The following ARAP2 variants were observed in gnomAD, a reference collection of about 807,000 sequenced individuals.
ARAP2 encodes the protein ArfGAP with RhoGAP domain, ankyrin repeat and PH domain 2, also known as arf-GAP with Rho-GAP domain, ANK repeat and PH domain-containing protein 2.
A neutral mutation model predicts 194.5 loss-of-function variants in ARAP2; 148 were observed. The ratio of observed to expected loss-of-function variants is 0.76; its 90% CI spans 0.67 to 0.87. The LOEUF is 0.87. Ranked by LOEUF, ARAP2 falls within the 40% of genes least tolerant of loss-of-function variation. ARAP2 has a pLI of 0.00. For missense variants in ARAP2, 2,128 were observed against 1,989.7 expected, an observed-to-expected ratio of 1.07 and a Z score of -1.32; for synonymous variants, 695 against 683.5, an observed-to-expected ratio of 1.02 and a Z score of -0.26.
intron 5 of ARAP2, among the ~76,000 whole-genome samples, chr4:36,026,684 A>G (rs1212825547): frequency 6.6e-6 from 1 of 152,212 alleles, no homozygotes; most frequent in African/African-American, 2.4e-5. Flanking sequence ...CTGGCAATCA[A>G]GAACATGTTT....
intron 2 of ARAP2, among the ~76,000 whole-genome samples, chr4:36,226,515 C>T (rs1174162188): frequency 6.6e-6 from 1 of 151,896 alleles, no homozygotes; most frequent in Non-Finnish European, 1.5e-5. Flanking sequence ...TTAAGCCCCC[C>T]CCCACATAAT....
intron 29 of ARAP2, 98 bp downstream of exon 29, chr4:36,083,270 T>C (rs920541234): frequency 6.8e-6 from 6 of 883,664 alleles, no homozygotes; most frequent in Middle Eastern, 4.4e-4. Context: ...AAACTTACTT[T>C]ATAAAAAGTT....
intron 27 of ARAP2, among the ~76,000 whole-genome samples, chr4:36,093,520 A>T (rs900225473): frequency 6.6e-6 from 1 of 152,142 alleles, no homozygotes; most frequent in Non-Finnish European, 1.5e-5. Flanking sequence ...CACTAAAAAA[A>T]TTGTGATTAT....
At chr4:36,068,614 C>T (rs1009954270) in intron 32 of ARAP2, among the ~76,000 whole-genome samples, 1 of 152,152 alleles carries the variant, frequency 6.6e-6, no homozygotes, top group Non-Finnish European at 1.5e-5. Flanking sequence ...GACACTCTCT[C>T]GTGATGATGG....
At chr4:36,037,677 C>A (rs1344759289) in intron 5 of ARAP2, among the ~76,000 whole-genome samples, 1 of 152,026 alleles carries the variant, frequency 6.6e-6, no homozygotes, top group African/African-American at 2.4e-5. Flanking sequence ...GAGGGAGGGG[C>A]TGGTATCATT....
chr4:36,152,479 G>A (rs981855237), intron 15 of ARAP2, among the ~76,000 whole-genome samples: 1 of 152,088 alleles, frequency 6.6e-6, no homozygotes, highest in African/African-American at 2.4e-5. Flanking sequence ...ATCTTTGTAA[G>A]AGAATAAATA....
At chr4:36,130,999 C>A (rs1725300523) in intron 20 of ARAP2, among the ~76,000 whole-genome samples, 1 of 151,744 alleles carries the variant, frequency 6.6e-6, no homozygotes, top group Admixed American at 6.6e-5. Flanking sequence ...AATTAAAGCC[C>A]TAAGAGTCAT....
intron 31 of ARAP2, among the ~76,000 whole-genome samples, chr4:36,078,464 C>CGTGTTTGT (rs1728745324): frequency 6.6e-6 from 1 of 152,230 alleles, no homozygotes; most frequent in East Asian, 1.9e-4. Flanking sequence ...AATTCGCATA[C>CGTGTTTGT]GTGTTTGTGT....
At chr4:36,170,693 G>A (rs1305677774) in intron 9 of ARAP2, among the ~76,000 whole-genome samples, 1 of 152,166 alleles carries the variant, frequency 6.6e-6, no homozygotes, top group Non-Finnish European at 1.5e-5. Flanking sequence ...TGCATGCTAT[G>A]AAGTTTACAA....
chr4:36,193,708 T>TTAA, intron 6 of ARAP2, 61 bp from the exon 7 acceptor site: 1 of 1,225,388 alleles, frequency 8.2e-7, no homozygotes, highest in Non-Finnish European at 1.2e-6. Flanking sequence ...ATTGTTAAAT[T>TTAA]CATTTGTAAT....
chr4:36,129,179 A>C (rs890013958), intron 20 of ARAP2, among the ~76,000 whole-genome samples: 1 of 151,876 alleles, frequency 6.6e-6, no homozygotes, highest in African/African-American at 2.4e-5. Flanking sequence ...CCTTATTTCC[A>C]ATGGAGAGTT....
chr4:36,021,965 ATAG>A (rs1717024261), intron 5 of ARAP2, among the ~76,000 whole-genome samples: 3 of 152,254 alleles, frequency 2.0e-5, no homozygotes, highest in Admixed American at 6.5e-5. Flanking sequence ...CCTAGGCTAT[ATAG>A]TATAGCCTAT....
At chr4:36,169,099 CAAGAT>C (rs894049467) in intron 9 of ARAP2, among the ~76,000 whole-genome samples, 2 of 152,064 alleles carry the variant, frequency 1.3e-5, no homozygotes, top group Admixed American at 6.6e-5. Context: ...GTAGCAGTAG[CAAGAT>C]AAGATATTTT....
chr4:36,130,824 T>C (rs1250076138), intron 20 of ARAP2, among the ~76,000 whole-genome samples: 1 of 151,976 alleles, frequency 6.6e-6, no homozygotes. Flanking sequence ...AAGCAAGTTC[T>C]ACAAACATCA....
At chr4:36,058,368 G>C (rs1426323752) in intron 1 of ARAP2, among the ~76,000 whole-genome samples, 2 of 152,118 alleles carry the variant, frequency 1.3e-5, no homozygotes, top group Non-Finnish European at 2.9e-5. Context: ...GTTGTTTCCT[G>C]AACAAGACTG....
At chr4:36,132,538 T>C (rs1465006415) in intron 20 of ARAP2, among the ~76,000 whole-genome samples, 1 of 151,752 alleles carries the variant, frequency 6.6e-6, no homozygotes, top group African/African-American at 2.4e-5. Context: ...CTGAAAGATA[T>C]ATGCAACAAA....
chr4:36,166,242 A>G (rs1238670131), intron 10 of ARAP2, among the ~76,000 whole-genome samples: 1 of 152,044 alleles, frequency 6.6e-6, no homozygotes, highest in Non-Finnish European at 1.5e-5. Flanking sequence ...GCCCACTACC[A>G]CGTGATGTTG....
intron 9 of ARAP2, among the ~76,000 whole-genome samples, chr4:36,011,247 C>T (rs918423633): frequency 2.4e-4 from 37 of 152,024 alleles, no homozygotes; most frequent in African/African-American, 8.9e-4. Context: ...ACTGTAAAAC[C>T]TCAACCACCA....
chr4:36,124,809 A>C, intron 22 of ARAP2, 53 bp downstream of exon 22: 5 of 1,089,112 alleles, frequency 4.6e-6, no homozygotes, highest in Admixed American at 2.0e-5. Context: ...AGAAATAATG[A>C]CTTATTGAGT....
Sources: gnomAD v4.1 joint callset for allele counts (sites outside exome capture counted in the v4.1 genomes callset) on GRCh38, gnomAD v4.1.1 for gene constraint, MANE v1.5 for transcripts, NCBI Gene and HGNC (gene_info 2026-07-23, HGNC 2026-07-21) for gene names.